The following CPNE4 variants were observed in gnomAD, a reference collection of about 807,000 sequenced individuals.
The protein encoded by CPNE4 is copine 4.
CPNE4 carries 25 observed loss-of-function variants against 67.9 expected under a neutral mutation model. The ratio of observed to expected loss-of-function variants is 0.37; its 90% CI spans 0.27 to 0.51. CPNE4 has a LOEUF of 0.51. Among genes scored for constraint, CPNE4 ranks in the 20% least tolerant of loss-of-function variants. CPNE4 has a pLI of 0.93. For missense variants in CPNE4, 464 were observed against 690.8 expected, an observed-to-expected ratio of 0.67 and a Z score of 3.68; for synonymous variants, 242 against 244.9, an observed-to-expected ratio of 0.99 and a Z score of 0.11.
chr3:131,949,982 T>G (rs2107882930), intron 1 of CPNE4, among the ~76,000 whole-genome samples: 1 of 152,308 alleles, frequency 6.6e-6, no homozygotes, highest in South Asian at 2.1e-4. Context: ...ATGAATACTT[T>G]TATACATATC....
chr3:131,878,219 C>T (rs941163062), intron 2 of CPNE4, among the ~76,000 whole-genome samples: 1 of 152,124 alleles, frequency 6.6e-6, no homozygotes. Flanking sequence ...GAAGCAACCC[C>T]TATGTTCATC....
At chr3:131,741,767 C>T (rs2082362907) in intron 2 of CPNE4, among the ~76,000 whole-genome samples, 1 of 152,142 alleles carries the variant, frequency 6.6e-6, no homozygotes, top group African/African-American at 2.4e-5. Context: ...TACTAGTGAG[C>T]CAGCCTCCTA....
rs138082226 is a variant in CPNE4 at position 131,802,252 on chromosome 3, T to C, written c.181-78627A>G. On this transcript the variant is annotated intron_variant, in intron 2 of 15. Coordinates refer to ENST00000429747, the MANE Select transcript of CPNE4 (RefSeq NM_130808.3). ...CATCTACTCCTTGTCCAGTCTCTTA[T>C]GTCACTGTTCTGCGGTTATACTAGT... Among the ~76,000 whole-genome samples, 1,036 of 152,302 alleles carry C rather than the reference T, an allele frequency of 6.8e-3. 14 individuals are homozygous for C. The highest frequency in any genetic ancestry group is 0.023 in the African/African-American group (958 of 41,562).
chr3:131,571,720 A>G (rs1257125807), intron 10 of CPNE4, among the ~76,000 whole-genome samples: 1 of 151,644 alleles, frequency 6.6e-6, no homozygotes, highest in Admixed American at 6.6e-5. Context: ...CCCCATCACC[A>G]CCATCAAACA....
chr3:131,694,500 G>A (rs931163045), intron 5 of CPNE4, among the ~76,000 whole-genome samples: 8 of 152,070 alleles, frequency 5.3e-5, no homozygotes, highest in Admixed American at 4.6e-4. Flanking sequence ...GCCCTAACAC[G>A]ATGTGGAGTC....
At chr3:131,706,691 G>A (rs555773285) in intron 3 of CPNE4, among the ~76,000 whole-genome samples, 20 of 152,184 alleles carry the variant, frequency 1.3e-4, no homozygotes, top group Non-Finnish European at 2.2e-4. Flanking sequence ...CTTCAAGTCT[G>A]ATAAGAAACA....
At chr3:131,734,604 C>T (rs2107766660) in intron 2 of CPNE4, among the ~76,000 whole-genome samples, 1 of 152,204 alleles carries the variant, frequency 6.6e-6, no homozygotes, top group African/African-American at 2.4e-5. Flanking sequence ...ATGACACTCT[C>T]AGGCCATGCA....
intron 7 of CPNE4, among the ~76,000 whole-genome samples, chr3:131,635,064 T>C (rs1180653355): frequency 6.6e-6 from 1 of 152,140 alleles, no homozygotes; most frequent in East Asian, 1.9e-4. Flanking sequence ...AAAAATAAAT[T>C]TTGATTTTTG....
At chr3:131,546,233 A>C (rs916867560) in intron 14 of CPNE4, among the ~76,000 whole-genome samples, 1 of 152,204 alleles carries the variant, frequency 6.6e-6, no homozygotes, top group African/African-American at 2.4e-5. Context: ...CATCTAGCTA[A>C]AGGCACTAGG....
At chr3:131,724,428 C>T (rs2081956824) in intron 2 of CPNE4, among the ~76,000 whole-genome samples, 1 of 152,130 alleles carries the variant, frequency 6.6e-6, no homozygotes, top group South Asian at 2.1e-4. Flanking sequence ...TTTCAGTTGT[C>T]CCCCTCTCTC....
intron 7 of CPNE4, among the ~76,000 whole-genome samples, chr3:131,621,299 C>G (rs1160093855): frequency 6.6e-6 from 1 of 152,106 alleles, no homozygotes; most frequent in African/African-American, 2.4e-5. Context: ...GGCTGGAGTG[C>G]AGTGCCACAG....
intron 1 of CPNE4, among the ~76,000 whole-genome samples, chr3:132,012,520 G>A (rs1366154367): frequency 6.6e-6 from 1 of 152,078 alleles, no homozygotes; most frequent in Non-Finnish European, 1.5e-5. Flanking sequence ...GTCACAGTGT[G>A]CTGATCCTTG....
At chr3:131,667,180 A>G (rs745800781) in intron 7 of CPNE4, among the ~76,000 whole-genome samples, 1 of 152,110 alleles carries the variant, frequency 6.6e-6, no homozygotes, top group Non-Finnish European at 1.5e-5. Flanking sequence ...TGGACCCTAA[A>G]AAGTTCGTTG....
intron 2 of CPNE4, among the ~76,000 whole-genome samples, chr3:131,864,655 G>T (rs2086854066): frequency 6.6e-6 from 1 of 151,958 alleles, no homozygotes; most frequent in Non-Finnish European, 1.5e-5. Context: ...TCTGCAAACA[G>T]GGACAATTTG....
chr3:131,626,607 C>T (rs1392132855), intron 7 of CPNE4, among the ~76,000 whole-genome samples: 1 of 152,200 alleles, frequency 6.6e-6, no homozygotes, highest in African/African-American at 2.4e-5. Flanking sequence ...AAGAAGCTGT[C>T]TCCATACCAG....
At chr3:131,855,218 C>G (rs1260584883) in intron 2 of CPNE4, among the ~76,000 whole-genome samples, 1 of 151,916 alleles carries the variant, frequency 6.6e-6, no homozygotes, top group East Asian at 1.9e-4. Context: ...CCATGGTACT[C>G]ATTGCTCTGT....
intron 6 of CPNE4, among the ~76,000 whole-genome samples, chr3:131,676,230 T>C (rs1818140): frequency 0.029 from 4,457 of 151,840 alleles, 96 homozygotes; most frequent in East Asian, 0.1. Context: ...GGCTAATTTT[T>C]GTATTTTTAC....
intron 7 of CPNE4, among the ~76,000 whole-genome samples, chr3:131,588,095 A>G (rs1938300503): frequency 6.6e-6 from 1 of 152,196 alleles, no homozygotes; most frequent in Admixed American, 6.5e-5. Context: ...CAAAATAGCA[A>G]TGACAACAAA....
chr3:131,886,301 T>C (rs540362994), intron 2 of CPNE4, among the ~76,000 whole-genome samples: 31 of 152,264 alleles, frequency 2.0e-4, no homozygotes, highest in African/African-American at 6.3e-4. Context: ...CCACGTGGTG[T>C]TGAGCCTGCA....
Sources: gnomAD v4.1 joint callset for allele counts (sites outside exome capture counted in the v4.1 genomes callset) on GRCh38, gnomAD v4.1.1 for gene constraint, MANE v1.5 for transcripts, NCBI Gene and HGNC (gene_info 2026-07-23, HGNC 2026-07-21) for gene names.